KIF16B: variants seen among roughly 807,000 people sequenced by gnomAD.
KIF16B encodes the protein kinesin family member 16B.
KIF16B carries 98 observed loss-of-function variants against 156.3 expected under a neutral mutation model. The observed-to-expected ratio is 0.63, with a 90% confidence interval of 0.53 to 0.74. KIF16B has a LOEUF of 0.74. KIF16B is among the 30% of genes least tolerant of loss of function. The probability of loss-of-function intolerance (pLI) is 0.00; values close to 1 mark genes in which losing one functional copy is unlikely to be tolerated. For synonymous variants in KIF16B, 564 were observed against 583.7 expected (o/e 0.97, Z 0.49); for missense variants, 1,421 against 1,606.5 (o/e 0.88, Z 1.97).
In KIF16B at chr20:16,571,755, G is replaced by C. The variant is rs978896192; in HGVS notation, c.47+1474C>G. Among the ~76,000 whole-genome samples, 22 of 151,238 alleles carry C rather than the reference G, an allele frequency of 1.5e-4. 1 individual carries two copies. The highest frequency in any genetic ancestry group is 4.9e-4 in the African/African-American group (20 of 41,094). On this transcript the variant is annotated intron_variant, in intron 1 of 25. Coordinates refer to ENST00000354981, the MANE Select transcript of KIF16B (RefSeq NM_024704.5). ...CACCATTCTCCTGCCTCAACCTCAC[G>C]AGTAGCTGGGACTACAGGCGTCCAC...
At chr20:16,390,414 C>A (rs2065336325) in intron 17 of KIF16B, among the ~76,000 whole-genome samples, 1 of 152,182 alleles carries the variant, frequency 6.6e-6, no homozygotes, top group South Asian at 2.1e-4. Context: ...CTTTCCTAAT[C>A]AAGCCAGAGG....
intron 12 of KIF16B, among the ~76,000 whole-genome samples, chr20:16,454,596 TG>T (rs2067167723): frequency 1.3e-5 from 2 of 152,052 alleles, no homozygotes; most frequent in Admixed American, 1.3e-4. Context: ...TCAGTAACAT[TG>T]TAACTAATAA....
At chr20:16,445,615 A>G (rs1473882579) in intron 12 of KIF16B, among the ~76,000 whole-genome samples, 1 of 152,062 alleles carries the variant, frequency 6.6e-6, no homozygotes, top group African/African-American at 2.4e-5. Context: ...ATGTGGACTT[A>G]AATGTCCGAA....
At position 16,379,127 on chromosome 20, in the gene KIF16B, A is replaced by G; in HGVS notation, c.2875T>C (p.Tyr959His). ...MEEKEEQLAQYQANANQLQKL... is the reference protein window; with the variant it reads ...MEEKEEQLAQHQANANQLQKL... Reference sequence around the variant, plus strand: ...TGCAGCTGGTTTGCATTGGCCTGGTACTGTGCAAGCTGTTCTTCTTTTTCT... The same window carrying G: ...TGCAGCTGGTTTGCATTGGCCTGGTGCTGTGCAAGCTGTTCTTCTTTTTCT... The change falls in exon 19 of 26, where the codon TAC becomes CAC. Residue 959 changes from tyrosine to histidine, a missense_variant. Physicochemically the swap from Tyr to His is moderately conservative, Grantham distance 83 (BLOSUM62 2). Coordinates refer to ENST00000354981, the MANE Select transcript of KIF16B (RefSeq NM_024704.5). The G allele has an allele frequency of 6.2e-7, 1 of 1,614,160 alleles. No homozygotes were observed. Among genetic ancestry groups the G allele is most frequent in the East Asian group, 2.2e-5 (1 of 44,884 alleles).
At chr20:16,368,745 C>T (rs1045942429) in intron 22 of KIF16B, 2 of 985,782 alleles carry the variant, frequency 2.0e-6, no homozygotes, top group Non-Finnish European at 2.4e-6. Flanking sequence ...ATGCTCTCTC[C>T]TCATGGGAAA....
intron 25 of KIF16B, 114 bp from the exon 26 acceptor site, chr20:16,273,525 T>C (rs1846171762): frequency 1.2e-5 from 9 of 774,332 alleles, no homozygotes; most frequent in Non-Finnish European, 1.7e-5. Context: ...ACCTCATCTC[T>C]ACAAAAAATA....
chr20:16,554,781 C>T (rs1018346613), intron 1 of KIF16B, among the ~76,000 whole-genome samples: 3 of 152,206 alleles, frequency 2.0e-5, no homozygotes, highest in East Asian at 1.9e-4. Flanking sequence ...CTGGTGTCTC[C>T]GAACTTCCAG....
chr20:16,464,856 C>A (rs1260963586), intron 12 of KIF16B, among the ~76,000 whole-genome samples: 1 of 152,100 alleles, frequency 6.6e-6, no homozygotes, highest in Admixed American at 6.6e-5. Flanking sequence ...ATGTCATTGG[C>A]CAAGGGTTAG....
chr20:16,429,135 A>G (rs1049320312), intron 13 of KIF16B, 131 bp from the exon 14 acceptor site: 1 of 761,800 alleles, frequency 1.3e-6, no homozygotes, highest in Non-Finnish European at 2.3e-6. Flanking sequence ...CACAGCTTCA[A>G]TGCATCGAGA....
intron 17 of KIF16B, among the ~76,000 whole-genome samples, chr20:16,397,159 C>T (rs896852282): frequency 2.0e-5 from 3 of 152,324 alleles, no homozygotes; most frequent in Non-Finnish European, 4.4e-5. Context: ...CTTGAGCAGT[C>T]GGCTTGGTTT....
chr20:16,399,759 T>C (rs1308626128), intron 17 of KIF16B, among the ~76,000 whole-genome samples: 1 of 152,218 alleles, frequency 6.6e-6, no homozygotes, highest in Non-Finnish European at 1.5e-5. Flanking sequence ...CATATTTCTG[T>C]TTCAGCTGGG....
chr20:16,309,805 A>G (rs893970550), intron 25 of KIF16B, among the ~76,000 whole-genome samples: 1 of 152,210 alleles, frequency 6.6e-6, no homozygotes, highest in Non-Finnish European at 1.5e-5. Flanking sequence ...ACTTGAATCC[A>G]TATGTGTTTA....
chr20:16,281,872 T>C (rs2063151262), intron 25 of KIF16B, among the ~76,000 whole-genome samples: 1 of 152,130 alleles, frequency 6.6e-6, no homozygotes, highest in Non-Finnish European at 1.5e-5. Context: ...TCCCATCATC[T>C]AGATCCTTCT....
intron 23 of KIF16B, among the ~76,000 whole-genome samples, chr20:16,343,803 G>C (rs923889522): frequency 1.3e-5 from 2 of 152,024 alleles, no homozygotes; most frequent in Non-Finnish European, 2.9e-5. Flanking sequence ...GAAGAGACAA[G>C]ATGCTCCATG....
chr20:16,515,566 G>A lies in KIF16B; in HGVS notation c.330C>T (p.Tyr110=), dbSNP rs1260394332. ...AACGTACAGAATTTCCCATCATAGT[G>A]TATGACTTTCCAGATCCAGTTTGCC... ...AYGQTGSGKS[Y]TMMGNSGDSG... is the part of the protein sequence containing the mutation. The change falls in exon 4 of 26, where the codon TAC becomes TAT. Residue 110 remains tyrosine (Y), a synonymous_variant. Transcript: ENST00000354981. The A allele has an allele frequency of 1.3e-6, 2 of 1,591,946 alleles. No individual in the cohort carries two copies. Among genetic ancestry groups the A allele is most frequent in the South Asian group, 1.1e-5 (1 of 90,682 alleles).
intron 15 of KIF16B, among the ~76,000 whole-genome samples, chr20:16,410,319 G>A (rs967758110): frequency 1.6e-3 from 209 of 134,466 alleles, no homozygotes; most frequent in South Asian, 8.6e-3. Context: ...GTGTGTGTGT[G>A]TATATGTGTG....
At chr20:16,307,096 G>A (rs927441459) in intron 25 of KIF16B, among the ~76,000 whole-genome samples, 1 of 152,150 alleles carries the variant, frequency 6.6e-6, no homozygotes, top group Non-Finnish European at 1.5e-5. Flanking sequence ...GCTGCTGGCT[G>A]CTCCAGTTTT....
chr20:16,460,581 C>T (rs2067321145), intron 12 of KIF16B, among the ~76,000 whole-genome samples: 1 of 151,882 alleles, frequency 6.6e-6, no homozygotes, highest in East Asian at 1.9e-4. Flanking sequence ...AAAATATTCG[C>T]AATGAGCCTT....
rs1341045520 is a variant in KIF16B at position 16,375,813 on chromosome 20, C to T, written c.3198-1404G>A. On this transcript the variant is annotated intron_variant, in intron 19 of 25. Coordinates refer to ENST00000354981, the MANE Select transcript of KIF16B (RefSeq NM_024704.5). ...CCAATGGCCAGTGGAAAAGACTCCA[C>T]AGAGCAAAGAAGGGTTTGAGAGGTA... is the stretch of plus-strand genomic sequence containing the variant. 2.0e-5 allele frequency among the ~76,000 whole-genome samples: 3 copies of T among 152,142 alleles called. No homozygotes were observed. The East Asian group carries it at 5.8e-4, about 29-fold the overall frequency.
Sources: gnomAD v4.1 joint callset for allele counts (sites outside exome capture counted in the v4.1 genomes callset) on GRCh38, gnomAD v4.1.1 for gene constraint, MANE v1.5 for transcripts, NCBI Gene and HGNC (gene_info 2026-07-23, HGNC 2026-07-21) for gene names.